The following ROR2 variants were observed in gnomAD, a reference collection of about 807,000 sequenced individuals.
ROR2 encodes tyrosine-protein kinase transmembrane receptor ROR2.
Under a neutral mutation model 74.9 loss-of-function variants are expected in ROR2, and 33 were observed. The ratio of observed to expected loss-of-function variants is 0.44; its 90% CI spans 0.33 to 0.59. ROR2 has a LOEUF of 0.59. ROR2 is among the 20% of genes least tolerant of loss of function. The pLI, the probability that ROR2 is intolerant of heterozygous loss-of-function variation, is 0.02. For synonymous variants in ROR2, 586 were observed against 558.7 expected (o/e 1.05, Z -0.69); for missense variants, 1,216 against 1,313.8 (o/e 0.93, Z 1.15).
chr9:91,747,114 G>A (rs1476031672), intron 4 of ROR2, among the ~76,000 whole-genome samples: 1 of 152,180 alleles, frequency 6.6e-6, no homozygotes, highest in Non-Finnish European at 1.5e-5. Flanking sequence ...TATGAGACAG[G>A]CAGCCTAGCA....
intron 1 of ROR2, among the ~76,000 whole-genome samples, chr9:91,821,047 G>A (rs1828124049): frequency 6.6e-6 from 1 of 151,750 alleles, no homozygotes; most frequent in Admixed American, 6.6e-5. Context: ...GTTGCAGTGA[G>A]CTGAGATCAT....
At chr9:91,945,242 A>G (rs373246763) in intron 1 of ROR2, among the ~76,000 whole-genome samples, 7 of 152,304 alleles carry the variant, frequency 4.6e-5, no homozygotes, top group Non-Finnish European at 5.9e-5. Context: ...TTTTAATTTT[A>G]ATTAATTTTA....
intron 4 of ROR2, among the ~76,000 whole-genome samples, chr9:91,742,367 T>C (rs764292503): frequency 1.3e-5 from 2 of 152,166 alleles, no homozygotes; most frequent in Non-Finnish European, 2.9e-5. Context: ...ACAATTCAAG[T>C]TGAGATTTGG....
chr9:91,886,384 C>T (rs1830272564), intron 1 of ROR2, among the ~76,000 whole-genome samples: 1 of 152,152 alleles, frequency 6.6e-6, no homozygotes, highest in South Asian at 2.1e-4. Context: ...ACAGCGTGGG[C>T]CGGTAGACGT....
intron 1 of ROR2, among the ~76,000 whole-genome samples, chr9:91,824,091 T>C (rs1828214204): frequency 6.6e-6 from 1 of 152,244 alleles, no homozygotes; most frequent in East Asian, 1.9e-4. Flanking sequence ...GAATTTCATG[T>C]GCCGACGATA....
At position 91,785,991 on chromosome 9, in the gene ROR2, C is replaced by T. The variant is rs192816377; in HGVS notation, c.98-10173G>A. On this transcript the variant is annotated intron_variant, in intron 1 of 8. Coordinates refer to ENST00000375708, the MANE Select transcript of ROR2 (RefSeq NM_004560.4). Reference sequence around the variant, plus strand: ...AGAGCCAACTGATACAACATACACACGACAGAAGTGTCTCCAATACATTTC... The same window carrying T: ...AGAGCCAACTGATACAACATACACATGACAGAAGTGTCTCCAATACATTTC... Among the ~76,000 whole-genome samples, 159 of 152,166 alleles carry T rather than the reference C, an allele frequency of 1.0e-3. 1 individual carries two copies. Among genetic ancestry groups the T allele is most frequent in the African/African-American group, 3.4e-3 (143 of 41,530 alleles).
At chr9:91,765,688 C>T (rs909890869) in intron 2 of ROR2, among the ~76,000 whole-genome samples, 27 of 152,300 alleles carry the variant, frequency 1.8e-4, no homozygotes, top group African/African-American at 6.5e-4. Flanking sequence ...ATGTGCTCAT[C>T]CCTCTTCTCC....
At chr9:91,863,317 G>C (rs1046526853) in intron 1 of ROR2, among the ~76,000 whole-genome samples, 21 of 152,172 alleles carry the variant, frequency 1.4e-4, no homozygotes, top group African/African-American at 4.6e-4. Flanking sequence ...TGAAGGTTAA[G>C]CACAGAGTTA....
intron 1 of ROR2, among the ~76,000 whole-genome samples, chr9:91,846,098 A>G (rs955988600): frequency 2.0e-5 from 3 of 152,088 alleles, no homozygotes; most frequent in East Asian, 1.9e-4. Flanking sequence ...TTCTACAACA[A>G]TGGGGCCCAG....
chr9:91,756,764 T>C (rs1366583681), intron 3 of ROR2, among the ~76,000 whole-genome samples: 1 of 113,298 alleles, frequency 8.8e-6, no homozygotes, highest in Non-Finnish European at 1.7e-5. Context: ...TTTTTTTTTT[T>C]TTTGAGACAG....
chr9:91,939,447 A>G (rs150780786), intron 1 of ROR2, among the ~76,000 whole-genome samples: 34 of 152,218 alleles, frequency 2.2e-4, no homozygotes, highest in African/African-American at 7.9e-4. Context: ...TTGAATCCTA[A>G]TAAGGCCACA....
intron 1 of ROR2, among the ~76,000 whole-genome samples, chr9:91,798,789 C>T (rs1349789493): frequency 3.3e-5 from 5 of 152,090 alleles, no homozygotes; most frequent in Admixed American, 3.3e-4. Context: ...CTTTTGTCTA[C>T]TTTCGTTTTG....
intron 1 of ROR2, among the ~76,000 whole-genome samples, chr9:91,829,732 C>G (rs1442513584): frequency 6.6e-6 from 1 of 152,124 alleles, no homozygotes; most frequent in East Asian, 1.9e-4. Flanking sequence ...CGCCTTCCTA[C>G]GGATATAACC....
rs565951110 is a variant in ROR2 at position 91,905,689 on chromosome 9, T to C, written c.97+44178A>G. Among the ~76,000 whole-genome samples the C allele has an allele frequency of 7.1e-6, 1 of 141,130 alleles. No individual in the cohort carries two copies. The highest frequency in any genetic ancestry group is 7.1e-5 in the Admixed American group (1 of 14,166). The allele number at this position is 141,130 out of a possible 152,430, so 92.6% of individuals were successfully genotyped here. ...ACATACACTCCAAAATCTGTTTTTC[T>C]TTTTAGAAGACCACAAACCCCACTA... is the stretch of plus-strand genomic sequence containing the variant. On this transcript the variant is annotated intron_variant, in intron 1 of 8. Transcript: ENST00000375708. The surrounding 1 kb of genome is among the most constrained non-coding windows in gnomAD (Gnocchi z 5.3).
chr9:91,932,502 C>CAA (rs11419147), intron 1 of ROR2, among the ~76,000 whole-genome samples: 66 of 147,148 alleles, frequency 4.5e-4, no homozygotes, highest in African/African-American at 9.4e-4. Flanking sequence ...ACTAAAAATA[C>CAA]AAAAAAAAAA....
intron 1 of ROR2, among the ~76,000 whole-genome samples, chr9:91,884,227 T>G (rs371539130): frequency 6.6e-6 from 1 of 152,272 alleles, no homozygotes; most frequent in South Asian, 2.1e-4. Context: ...AACCCACCTC[T>G]CCTGTCTGTG....
intron 1 of ROR2, chr9:91,948,865 C>A: frequency 1.0e-6 from 1 of 985,430 alleles, no homozygotes; most frequent in African/African-American, 1.7e-5. Flanking sequence ...CCGCAGGGTG[C>A]CGAGAATCCG....
chr9:91,853,577 G>A lies in ROR2; in HGVS notation c.98-77759C>T, dbSNP rs191309019. Among the ~76,000 whole-genome samples, 169 of 152,200 alleles carry A rather than the reference G, an allele frequency of 1.1e-3. 1 individual carries two copies. The highest frequency in any genetic ancestry group is 3.9e-3 in the African/African-American group (161 of 41,516). On this transcript the variant is annotated intron_variant, in intron 1 of 8. Coordinates refer to ENST00000375708, the MANE Select transcript of ROR2 (RefSeq NM_004560.4). The stretch of plus-strand genomic sequence containing the variant: ...GGTGCAGGACCCGCTCTGAAGCCCC[G>A]AGGAGTAGTATCCACCCCTATGACA...
At chr9:91,745,719 G>A (rs192039997) in intron 4 of ROR2, among the ~76,000 whole-genome samples, 4 of 152,174 alleles carry the variant, frequency 2.6e-5, no homozygotes, top group African/African-American at 7.2e-5. Flanking sequence ...GAGCCACCGC[G>A]CCCAGCCTAT....
Sources: gnomAD v4.1 joint callset for allele counts (sites outside exome capture counted in the v4.1 genomes callset) on GRCh38, gnomAD v4.1.1 for gene constraint, Gnocchi (gnomAD v3.1) non-coding constraint, MANE v1.5 for transcripts, NCBI Gene and HGNC (gene_info 2026-07-23, HGNC 2026-07-21) for gene names.